The following PCSK5 variants were observed in gnomAD, a reference collection of about 807,000 sequenced individuals.
PCSK5 encodes the protein proprotein convertase subtilisin/kexin type 5.
A neutral mutation model predicts 233.2 loss-of-function variants in PCSK5; 129 were observed. That is an observed-to-expected ratio of 0.55 (90% CI 0.48 to 0.64). PCSK5 has a LOEUF of 0.64. Among genes scored for constraint, PCSK5 ranks in the 30% least tolerant of loss-of-function variants. The pLI is 0.00. For missense variants in PCSK5, 2,076 were observed against 2,430.1 expected (o/e 0.85, Z 3.06); for synonymous variants, 825 against 879.2 (o/e 0.94, Z 1.09).
chr9:76,323,016 C>T (rs746054686), intron 31 of PCSK5, 36 bp from the exon 32 acceptor site: 3 of 1,187,940 alleles, frequency 2.5e-6, no homozygotes, highest in Non-Finnish European at 3.7e-6. Flanking sequence ...TTCTCCTACC[C>T]CCCGGGGATA....
In PCSK5 at chr9:76,354,012, C is replaced by A. The variant is rs376038525; in HGVS notation, c.5068-21C>A. 9 of 1,582,256 alleles carry A rather than the reference C, an allele frequency of 5.7e-6. No individual in the cohort carries two copies. In the East Asian group the frequency reaches 9.0e-5, roughly 16 times the overall value. Reference sequence around the variant, plus strand: ...TTAATCCCTTTACACTCAAAAGGAACCTCTTGATTGCTCTTAACAGGGAGA... The same window carrying A: ...TTAATCCCTTTACACTCAAAAGGAAACTCTTGATTGCTCTTAACAGGGAGA... On this transcript the variant is annotated intron_variant, in intron 36 of 37. Transcript: ENST00000674117.
chr9:76,253,826 T>C (rs1353061904), intron 24 of PCSK5, among the ~76,000 whole-genome samples: 3 of 152,232 alleles, frequency 2.0e-5, no homozygotes, highest in Admixed American at 6.5e-5. Context: ...AAGCAGTTTG[T>C]TTGGAGCAAC....
rs1000262436 is a variant in PCSK5, at chr9:76,362,616, A to C, written c.*3694A>C. Among the ~76,000 whole-genome samples the C allele has an allele frequency of 1.3e-5, 2 of 152,260 alleles. No homozygotes were observed. Among genetic ancestry groups the C allele is most frequent in the African/African-American group, 4.8e-5 (2 of 41,464 alleles). On this transcript the variant is annotated 3_prime_UTR_variant, in exon 38 of 38. Transcript: ENST00000674117. ...CCCAATTTCTGCCTCCAAAGAAAGAAGAAGTAAAAACTAAAAGGCAAAAAT... is the reference window on the plus strand; with the variant it reads ...CCCAATTTCTGCCTCCAAAGAAAGACGAAGTAAAAACTAAAAGGCAAAAAT...
intron 9 of PCSK5, among the ~76,000 whole-genome samples, chr9:76,132,455 G>A (rs34508562): frequency 0.45 from 68,423 of 151,796 alleles, 17,759 homozygotes; most frequent in Non-Finnish European, 0.59. Flanking sequence ...TTCTTTTGTT[G>A]ATATAACTTT....
At chr9:76,013,170 G>C (rs1587497418) in intron 3 of PCSK5, among the ~76,000 whole-genome samples, 1 of 152,146 alleles carries the variant, frequency 6.6e-6, no homozygotes, top group Non-Finnish European at 1.5e-5. Flanking sequence ...GTTAATGTTT[G>C]ATACCAAAAG....
intron 16 of PCSK5, among the ~76,000 whole-genome samples, chr9:76,181,961 C>T (rs1398794441): frequency 2.0e-5 from 3 of 152,178 alleles, no homozygotes; most frequent in Non-Finnish European, 4.4e-5. Context: ...CAATGCGTGA[C>T]GACGTGCATG....
At chr9:76,034,487 C>G (rs747335253) in intron 5 of PCSK5, among the ~76,000 whole-genome samples, 6 of 152,072 alleles carry the variant, frequency 3.9e-5, no homozygotes, top group East Asian at 1.9e-4. Flanking sequence ...CGAGTCTATT[C>G]TACTCTATGT....
In PCSK5 at chr9:75,891,359, A is replaced by G. The variant is rs574070554; in HGVS notation, c.178A>G (p.Ile60Val). ...CCGTATCGCCAGCAAGTACGGATTC[A>G]TCAACATAGGACAGGTAACGAACTA... Reference protein sequence around the residue: ...ANRIASKYGFINIGQIGALKD... With the variant: ...ANRIASKYGFVNIGQIGALKD... The change falls in exon 1 of 38, where the codon ATC (isoleucine) becomes GTC (valine). Residue 60 changes from isoleucine to valine, a missense_variant. Ile to Val is a conservative substitution (Grantham distance 29). Coordinates refer to ENST00000674117, the MANE Select transcript of PCSK5 (RefSeq NM_001372043.1). The G allele has an allele frequency of 6.4e-6, 10 of 1,562,242 alleles. No individual in the cohort carries two copies. In the South Asian group the frequency reaches 1.1e-4, roughly 17 times the overall value.
At chr9:76,124,827 C>T (rs968507190) in intron 9 of PCSK5, among the ~76,000 whole-genome samples, 4 of 151,588 alleles carry the variant, frequency 2.6e-5, no homozygotes, top group African/African-American at 9.7e-5. Flanking sequence ...GATATCGATT[C>T]CACCTATCCA....
intron 9 of PCSK5, among the ~76,000 whole-genome samples, chr9:76,120,580 G>T (rs895254007): frequency 1.3e-5 from 2 of 151,754 alleles, no homozygotes; most frequent in Admixed American, 1.3e-4. Flanking sequence ...TTACCATTAT[G>T]TCTTTAACTG....
chr9:75,902,317 A>AC (rs1826080597), intron 1 of PCSK5, among the ~76,000 whole-genome samples: 1 of 150,746 alleles, frequency 6.6e-6, no homozygotes, highest in Non-Finnish European at 1.5e-5. Flanking sequence ...GGAAACTAGG[A>AC]GGCAAACAGT....
chr9:76,239,305 G>A, intron 23 of PCSK5, 140 bp downstream of exon 23: 1 of 650,352 alleles, frequency 1.5e-6, no homozygotes, highest in East Asian at 2.7e-5. Context: ...CAACCCTAGT[G>A]GGGAGAGAGG....
chr9:76,347,012 C>T (rs1829998262), intron 35 of PCSK5, among the ~76,000 whole-genome samples: 1 of 152,082 alleles, frequency 6.6e-6, no homozygotes, highest in African/African-American at 2.4e-5. Context: ...CCATAATTAG[C>T]TCATTCCTTG....
At chr9:76,286,412 A>G (rs1828070275) in intron 24 of PCSK5, 1 of 152,316 alleles carries the variant, frequency 6.6e-6, no homozygotes, top group African/African-American at 2.4e-5. Context: ...ACAAAGGAAG[A>G]AAAAAAATAC....
At chr9:76,011,914 A>G (rs1055993834) in intron 3 of PCSK5, among the ~76,000 whole-genome samples, 1 of 152,212 alleles carries the variant, frequency 6.6e-6, no homozygotes, top group Admixed American at 6.5e-5. Flanking sequence ...CATTTCCCTT[A>G]ATGTCATGCA....
chr9:76,331,290 AT>A, intron 33 of PCSK5, among the ~76,000 whole-genome samples: 1 of 152,244 alleles, frequency 6.6e-6, no homozygotes, highest in Non-Finnish European at 1.5e-5. Flanking sequence ...TGGGGCAGTG[AT>A]TTAGTTGAGG....
chr9:76,319,628 C>T (rs1283897946), intron 30 of PCSK5, among the ~76,000 whole-genome samples: 2 of 152,078 alleles, frequency 1.3e-5, no homozygotes, highest in Admixed American at 6.6e-5. Context: ...TAGCAGACCG[C>T]GAAAGGGAGT....
At chr9:76,201,777 G>A (rs1296189324) in intron 20 of PCSK5, among the ~76,000 whole-genome samples, 1 of 152,104 alleles carries the variant, frequency 6.6e-6, no homozygotes, top group Non-Finnish European at 1.5e-5. Flanking sequence ...AAAGAAATGG[G>A]GATATGATGA....
intron 9 of PCSK5, among the ~76,000 whole-genome samples, chr9:76,128,187 G>A (rs1199846418): frequency 1.3e-5 from 2 of 152,040 alleles, no homozygotes; most frequent in Non-Finnish European, 2.9e-5. Context: ...AGGTTGAGGG[G>A]GATACATTTA....
Sources: allele counts gnomAD v4.1 joint callset (sites outside exome capture counted in the v4.1 genomes callset), GRCh38; gene constraint gnomAD v4.1.1; transcripts MANE v1.5; gene names NCBI Gene and HGNC (gene_info 2026-07-23, HGNC 2026-07-21).